AGBL4: variants seen among roughly 807,000 people sequenced by gnomAD.
AGBL4 encodes the protein cytosolic carboxypeptidase 6.
A neutral mutation model predicts 66.4 loss-of-function variants in AGBL4; 58 were observed. That is an observed-to-expected ratio of 0.87 (90% confidence interval 0.71 to 1.09). The LOEUF (loss-of-function observed/expected upper bound fraction) is 1.09. Ranked by LOEUF, AGBL4 falls within the 50% of genes least tolerant of loss-of-function variation. The pLI, the probability that AGBL4 is intolerant of heterozygous loss-of-function variation, is 0.00. For missense variants in AGBL4, 579 were observed against 631.0 expected (o/e 0.92, Z 0.88); for synonymous variants, 234 against 222.9 (o/e 1.05, Z -0.44).
At chr1:49,614,392 A>G (rs1369438000) in intron 3 of AGBL4, among the ~76,000 whole-genome samples, 1 of 152,022 alleles carries the variant, frequency 6.6e-6, no homozygotes, top group Non-Finnish European at 1.5e-5. Flanking sequence ...CTTACAGTTC[A>G]CTCATTCTCA....
chr1:48,643,720 C>T (rs1212892111), intron 8 of AGBL4, among the ~76,000 whole-genome samples: 1 of 152,226 alleles, frequency 6.6e-6, no homozygotes, highest in Non-Finnish European at 1.5e-5. Context: ...TCTCCATTCC[C>T]TCGTTTTCTC....
At position 48,637,189 on chromosome 1, in the gene AGBL4, T is replaced by C. The variant is rs186397525; in HGVS notation, c.840-2585A>G. Among the ~76,000 whole-genome samples, 396 of 152,350 alleles carry C rather than the reference T, an allele frequency of 2.6e-3. 4 individuals are homozygous for C. Among genetic ancestry groups the C allele is most frequent in the African/African-American group, 8.9e-3 (372 of 41,576 alleles). ...CTATATTGTTGTTTTTATTGGTCTGTATTATTATTTTATGCTATGTTCTAT... is the reference window on the plus strand; with the variant it reads ...CTATATTGTTGTTTTTATTGGTCTGCATTATTATTTTATGCTATGTTCTAT... On this transcript the variant is annotated intron_variant, in intron 8 of 13. Coordinates refer to ENST00000371839, the MANE Select transcript of AGBL4 (RefSeq NM_032785.4).
At chr1:48,602,732 GGAA>G (rs141117908) in intron 9 of AGBL4, among the ~76,000 whole-genome samples, 16,627 of 152,152 alleles carry the variant, frequency 0.11, 995 homozygotes, top group South Asian at 0.19. Flanking sequence ...AGCGAAAACA[GGAA>G]GAAGAAAGGT....
intron 3 of AGBL4, among the ~76,000 whole-genome samples, chr1:49,575,729 C>T (rs2148876580): frequency 6.6e-6 from 1 of 152,372 alleles, no homozygotes; most frequent in South Asian, 2.1e-4. Flanking sequence ...TATGCAGCCA[C>T]TGACTTGGCA....
intron 11 of AGBL4, among the ~76,000 whole-genome samples, chr1:48,541,504 G>T (rs943784336): frequency 8.5e-5 from 13 of 152,232 alleles, no homozygotes; most frequent in African/African-American, 3.1e-4. Context: ...GGGTGCAGTG[G>T]CTCACGCCTG....
intron 3 of AGBL4, among the ~76,000 whole-genome samples, chr1:49,618,548 G>A (rs1190404655): frequency 1.3e-5 from 2 of 152,106 alleles, no homozygotes; most frequent in Admixed American, 1.3e-4. Flanking sequence ...ACAAAGAGGA[G>A]GTGGTACCAT....
intron 5 of AGBL4, among the ~76,000 whole-genome samples, chr1:48,990,188 A>T (rs1660498589): frequency 6.6e-6 from 1 of 152,138 alleles, no homozygotes; most frequent in Non-Finnish European, 1.5e-5. Context: ...TTCTTTTGAG[A>T]AATGTCTAGT....
At chr1:48,556,739 A>G (rs1024117454) in intron 11 of AGBL4, among the ~76,000 whole-genome samples, 2 of 152,176 alleles carry the variant, frequency 1.3e-5, no homozygotes, top group African/African-American at 2.4e-5. Context: ...CATGATGGTA[A>G]ATTTACATTG....
chr1:49,119,709 T>G (rs1291616271), intron 4 of AGBL4, among the ~76,000 whole-genome samples: 1 of 152,210 alleles, frequency 6.6e-6, no homozygotes, highest in Non-Finnish European at 1.5e-5. Context: ...ACATATCTAT[T>G]AGGTCCACTT....
At chr1:48,893,807 T>C (rs1263400035) in intron 5 of AGBL4, among the ~76,000 whole-genome samples, 1 of 152,138 alleles carries the variant, frequency 6.6e-6, no homozygotes, top group Non-Finnish European at 1.5e-5. Flanking sequence ...GAGAGGGCCC[T>C]CAGCAGAACC....
intron 9 of AGBL4, among the ~76,000 whole-genome samples, chr1:48,632,219 G>A (rs1645604891): frequency 6.6e-6 from 1 of 152,102 alleles, no homozygotes; most frequent in Non-Finnish European, 1.5e-5. Context: ...GCATAAATGA[G>A]TAGCCTTTCA....
chr1:49,012,703 T>G (rs1048026166), intron 5 of AGBL4, among the ~76,000 whole-genome samples: 4 of 152,186 alleles, frequency 2.6e-5, no homozygotes, highest in Non-Finnish European at 5.9e-5. Context: ...GTTTAAACAT[T>G]TGCCCTCAGT....
At chr1:49,520,330 C>G (rs529929196) in intron 3 of AGBL4, among the ~76,000 whole-genome samples, 1 of 152,092 alleles carries the variant, frequency 6.6e-6, no homozygotes, top group East Asian at 1.9e-4. Flanking sequence ...CAAAACAACC[C>G]TGCAAAACTG....
chr1:49,227,828 A>G (rs953302632), intron 4 of AGBL4, among the ~76,000 whole-genome samples: 5 of 152,174 alleles, frequency 3.3e-5, no homozygotes, highest in Admixed American at 6.5e-5. Flanking sequence ...GCAGTGCCCT[A>G]TTCTCTAATC....
intron 4 of AGBL4, among the ~76,000 whole-genome samples, chr1:49,096,041 C>T (rs566264778): frequency 6.4e-4 from 98 of 152,042 alleles, no homozygotes; most frequent in Admixed American, 5.0e-3. Flanking sequence ...TATGAACAGA[C>T]ACTTCTCAAA....
At chr1:49,083,844 T>C (rs1644850662) in intron 4 of AGBL4, among the ~76,000 whole-genome samples, 1 of 152,236 alleles carries the variant, frequency 6.6e-6, no homozygotes, top group African/African-American at 2.4e-5. Context: ...TACATAAAAC[T>C]GAATGCTTTT....
At chr1:48,743,681 T>C (rs1650285891) in intron 6 of AGBL4, among the ~76,000 whole-genome samples, 1 of 152,232 alleles carries the variant, frequency 6.6e-6, no homozygotes, top group Non-Finnish European at 1.5e-5. Context: ...CATGTTAACT[T>C]AGGTAACAGA....
At chr1:48,539,058 C>T (rs1644018942) in intron 12 of AGBL4, among the ~76,000 whole-genome samples, 1 of 152,218 alleles carries the variant, frequency 6.6e-6, no homozygotes, top group Non-Finnish European at 1.5e-5. Flanking sequence ...GATGGAGGCT[C>T]ACCTCCTGAC....
At chr1:48,597,597 T>C (rs1645012405) in intron 9 of AGBL4, among the ~76,000 whole-genome samples, 1 of 151,362 alleles carries the variant, frequency 6.6e-6, no homozygotes, top group South Asian at 2.1e-4. Context: ...ATACTCTTCC[T>C]GGCAAAATTG....
Sources: gnomAD v4.1 joint callset for allele counts (sites outside exome capture counted in the v4.1 genomes callset) on GRCh38, gnomAD v4.1.1 for gene constraint, MANE v1.5 for transcripts, NCBI Gene and HGNC (gene_info 2026-07-23, HGNC 2026-07-21) for gene names.